TEX2: variants seen among roughly 807,000 people sequenced by gnomAD.
TEX2 encodes testis expressed 2.
Under a neutral mutation model 106.9 loss-of-function variants are expected in TEX2, and 53 were observed. The observed-to-expected ratio is 0.50, with a 90% CI of 0.40 to 0.62. The LOEUF (loss-of-function observed/expected upper bound fraction) is 0.62, where lower values mean the gene tolerates loss of function less well. TEX2 is among the 20% of genes least tolerant of loss of function. TEX2 has a pLI of 0.00. For synonymous variants in TEX2, 523 were observed against 534.8 expected (o/e 0.98, Z 0.30); for missense variants, 1,207 against 1,379.0 (o/e 0.88, Z 1.98).
At chr17:64,248,983 C>T (rs548783547) in intron 1 of TEX2, among the ~76,000 whole-genome samples, 11 of 151,186 alleles carry the variant, frequency 7.3e-5, no homozygotes, top group African/African-American at 2.7e-4. Flanking sequence ...TGCAGTGAGC[C>T]GAGATTACGC....
intron 10 of TEX2, 65 bp from the exon 11 acceptor site, chr17:64,151,026 C>A: frequency 6.4e-7 from 1 of 1,564,492 alleles, no homozygotes; most frequent in Admixed American, 1.8e-5. Context: ...GCACTGACAG[C>A]AAACAGTTCT....
chr17:64,157,572 G>C (rs1200531050), intron 8 of TEX2, among the ~76,000 whole-genome samples: 1 of 152,220 alleles, frequency 6.6e-6, no homozygotes, highest in Non-Finnish European at 1.5e-5. Flanking sequence ...CCCCCAAAAT[G>C]CTTTAAATGA....
chr17:64,157,823 A>G (rs16947504), intron 8 of TEX2, among the ~76,000 whole-genome samples: 2,681 of 152,292 alleles, frequency 0.018, 84 homozygotes, highest in African/African-American at 0.061. Flanking sequence ...TAGTAACCCA[A>G]AAGAGGTCAG....
chr17:64,164,976 C>A (rs1281742600), intron 7 of TEX2, among the ~76,000 whole-genome samples: 1 of 152,214 alleles, frequency 6.6e-6, no homozygotes, highest in Admixed American at 6.5e-5. Flanking sequence ...GAGAGGGCAC[C>A]TGCTGCTTGG....
At chr17:64,216,415 GGAT>G (rs1243615065) in intron 1 of TEX2, among the ~76,000 whole-genome samples, 1 of 152,206 alleles carries the variant, frequency 6.6e-6, no homozygotes, top group Non-Finnish European at 1.5e-5. Flanking sequence ...TAACATAAAA[GGAT>G]GATATGTAAG....
At chr17:64,193,463 G>C in intron 4 of TEX2, 96 bp downstream of exon 4, 2 of 993,984 alleles carry the variant, frequency 2.0e-6, no homozygotes, top group African/African-American at 1.7e-5. Context: ...TTCAGGGTGG[G>C]CTTCCTTCCT....
In TEX2 at chr17:64,164,436, A is replaced by G. The variant is rs552981259; in HGVS notation, c.2672-3503T>C. 6.1e-4 allele frequency among the ~76,000 whole-genome samples: 92 copies of G among 151,938 alleles called. 2 individuals are homozygous for G. In the South Asian group the frequency reaches 8.5e-3, roughly 14 times the overall value. On this transcript the variant is annotated intron_variant, in intron 7 of 11. Transcript: ENST00000584379. ...CTCTGTCTCAAAAGAAGAAGAAGAA[A>G]AAAAAAAAAAACCCTGGCACTTCAT...
At chr17:64,251,764 A>C (rs536671960) in intron 1 of TEX2, among the ~76,000 whole-genome samples, 2 of 152,304 alleles carry the variant, frequency 1.3e-5, no homozygotes, top group East Asian at 3.9e-4. Flanking sequence ...GGAATCCAGC[A>C]ACAGCAGGAA....
intron 1 of TEX2, among the ~76,000 whole-genome samples, chr17:64,230,305 T>C (rs2033627304): frequency 6.6e-6 from 1 of 151,598 alleles, no homozygotes; most frequent in African/African-American, 2.4e-5. Context: ...AAATGGAGAG[T>C]ACATTTTAAG....
intron 2 of TEX2, among the ~76,000 whole-genome samples, chr17:64,206,044 G>C (rs2032817706): frequency 6.6e-6 from 1 of 152,174 alleles, no homozygotes; most frequent in Non-Finnish European, 1.5e-5. Context: ...AAGTTAGTGT[G>C]CAACAGGAAT....
chr17:64,241,005 G>T (rs1317923875), intron 1 of TEX2, among the ~76,000 whole-genome samples: 2 of 152,198 alleles, frequency 1.3e-5, no homozygotes, highest in African/African-American at 2.4e-5. Context: ...TGCTTAAAAT[G>T]ACATTCAGAA....
chr17:64,182,365 TTA>T (rs2031912437), intron 5 of TEX2, among the ~76,000 whole-genome samples: 1 of 152,150 alleles, frequency 6.6e-6, no homozygotes, highest in South Asian at 2.1e-4. Context: ...AGAGTTTCAA[TTA>T]TACAAGTTGA....
At chr17:64,218,805 C>G (rs1237113025) in intron 1 of TEX2, among the ~76,000 whole-genome samples, 2 of 152,062 alleles carry the variant, frequency 1.3e-5, no homozygotes, top group Non-Finnish European at 2.9e-5. Context: ...CCTCAAGGAG[C>G]CGGGACCCCA....
intron 1 of TEX2, among the ~76,000 whole-genome samples, chr17:64,254,103 T>C (rs929636651): frequency 1.3e-5 from 2 of 152,152 alleles, no homozygotes; most frequent in Non-Finnish European, 2.9e-5. Flanking sequence ...CTCTACCTCT[T>C]AGAGACATTC....
intron 1 of TEX2, among the ~76,000 whole-genome samples, chr17:64,222,411 G>A (rs571363231): frequency 2.2e-4 from 34 of 151,674 alleles, no homozygotes; most frequent in South Asian, 1.9e-3. Context: ...CCAGTTACTC[G>A]GGAGGCTGAG....
chr17:64,195,067 T>A lies in TEX2; in HGVS notation c.1673A>T (p.Asp558Val). ...CAAAGTCGCATGGTAGGTTTCTGGA[T>A]CATAGTTGTAAATCTCATTCATCCA... ...KGWMNEIYNY[D>V]PETYHATLTH... is the part of the protein sequence containing the mutation. Residue 558 changes from aspartate to valine, a missense_variant, in exon 3 of 12, where the codon GAT becomes GTT. By Grantham distance (152) the Asp-to-Val change is radical. This residue lies in a region of TEX2 where 1,067 missense variants were observed against 1,193.6 expected (regional missense o/e 0.89). Transcript: ENST00000584379. This position sits in a 1 kb window ranked among gnomAD's most constrained non-coding sequence, Gnocchi z 4.1. 6.2e-7 allele frequency: 1 copy of A among 1,614,158 alleles called. No homozygotes were observed. The highest frequency in any genetic ancestry group is 1.1e-5 in the South Asian group (1 of 91,076).
intron 2 of TEX2, among the ~76,000 whole-genome samples, chr17:64,203,803 C>G (rs1337127491): frequency 3.3e-5 from 5 of 152,228 alleles, no homozygotes; most frequent in African/African-American, 9.6e-5. Flanking sequence ...ATACCGTCCA[C>G]ATCCTCCAAC....
rs1305435072 is a variant in TEX2 at position 64,217,688 on chromosome 17, C to A, written c.-25-3446G>T. ...CTCCTGAAACTCAATTATACCCAGGCTCAAAAAAAGAGACAAGCTTCTCTC... is the reference window on the plus strand; with the variant it reads ...CTCCTGAAACTCAATTATACCCAGGATCAAAAAAAGAGACAAGCTTCTCTC... On this transcript the variant is annotated intron_variant, in intron 1 of 11. Transcript: ENST00000584379. This position sits in a 1 kb window ranked among gnomAD's most constrained non-coding sequence, Gnocchi z 4.3. 4.6e-5 allele frequency among the ~76,000 whole-genome samples: 7 copies of A among 152,122 alleles called. No individual in the cohort carries two copies. Among genetic ancestry groups the A allele is most frequent in the African/African-American group, 7.2e-5 (3 of 41,422 alleles).
At chr17:64,251,946 G>A (rs1352117796) in intron 1 of TEX2, among the ~76,000 whole-genome samples, 2 of 152,166 alleles carry the variant, frequency 1.3e-5, no homozygotes, top group African/African-American at 4.8e-5. Flanking sequence ...GGAGGAGAAA[G>A]GTGCAAATAT....
Sources: gnomAD v4.1 joint callset for allele counts (sites outside exome capture counted in the v4.1 genomes callset) on GRCh38, gnomAD v4.1.1 for gene constraint, gnomAD v4.1.1 regional missense constraint, Gnocchi (gnomAD v3.1) non-coding constraint, MANE v1.5 for transcripts, NCBI Gene and HGNC (gene_info 2026-07-23, HGNC 2026-07-21) for gene names.